The following RALYL variants were observed in gnomAD, a reference collection of about 807,000 sequenced individuals.
The protein encoded by RALYL is RNA-binding Raly-like protein.
A neutral mutation model predicts 35.1 loss-of-function variants in RALYL; 29 were observed. That is an observed-to-expected ratio of 0.83 (90% CI 0.61 to 1.13). The LOEUF (loss-of-function observed/expected upper bound fraction) is 1.13, where lower values mean the gene tolerates loss of function less well. Ranked by LOEUF, RALYL falls within the 50% of genes most tolerant of loss-of-function variation. The probability of loss-of-function intolerance (pLI) is 0.00; values close to 1 mark genes in which losing one functional copy is unlikely to be tolerated. For missense variants in RALYL, 359 were observed against 360.4 expected (o/e 1.00, Z 0.03); for synonymous variants, 120 against 127.6 (o/e 0.94, Z 0.40).
chr8:84,913,504 TTC>T (rs1321166533), intron 8 of RALYL, among the ~76,000 whole-genome samples: 1 of 152,042 alleles, frequency 6.6e-6, no homozygotes, highest in African/African-American at 2.4e-5. Flanking sequence ...TTTTTCTAAA[TTC>T]TATATTCTCA....
At chr8:84,841,377 T>C (rs1294376969) in intron 4 of RALYL, among the ~76,000 whole-genome samples, 5 of 152,082 alleles carry the variant, frequency 3.3e-5, no homozygotes, top group African/African-American at 4.8e-5. Context: ...AAGAAGGCCA[T>C]TACATAATGG....
intron 5 of RALYL, among the ~76,000 whole-genome samples, chr8:84,853,647 C>T (rs964713780): frequency 1.9e-4 from 29 of 152,134 alleles, no homozygotes; most frequent in African/African-American, 6.8e-4. Flanking sequence ...GTTTATTTTC[C>T]ATTTTTGGCA....
intron 1 of RALYL, among the ~76,000 whole-genome samples, chr8:84,364,650 T>C (rs185389242): frequency 6.6e-6 from 1 of 152,150 alleles, no homozygotes; most frequent in Non-Finnish European, 1.5e-5. Flanking sequence ...TGTGTAAAAG[T>C]TGTGTATATT....
intron 1 of RALYL, among the ~76,000 whole-genome samples, chr8:84,474,889 C>T (rs556367998): frequency 9.6e-4 from 144 of 150,330 alleles, no homozygotes; most frequent in Non-Finnish European, 1.6e-3. Context: ...CAGCCCCACC[C>T]CACCCTTTTT....
intron 1 of RALYL, among the ~76,000 whole-genome samples, chr8:84,324,403 C>A (rs371858553): frequency 1.3e-5 from 2 of 151,718 alleles, no homozygotes; most frequent in African/African-American, 4.8e-5. Context: ...TACTAGTGAC[C>A]TTTTTAAATC....
At chr8:84,675,862 G>T (rs1313162286) in intron 2 of RALYL, among the ~76,000 whole-genome samples, 1 of 152,048 alleles carries the variant, frequency 6.6e-6, no homozygotes, top group Non-Finnish European at 1.5e-5. Flanking sequence ...TAACAAAATT[G>T]CACGTGTACT....
chr8:84,810,263 C>T (rs1038891925), intron 4 of RALYL, among the ~76,000 whole-genome samples: 17 of 151,992 alleles, frequency 1.1e-4, no homozygotes, highest in Non-Finnish European at 2.2e-4. Flanking sequence ...TCCAGAGCAG[C>T]CTATTTAATT....
intron 3 of RALYL, among the ~76,000 whole-genome samples, chr8:84,782,415 T>C (rs1215638061): frequency 2.0e-5 from 3 of 152,090 alleles, no homozygotes; most frequent in African/African-American, 7.2e-5. Flanking sequence ...TAGGGAGAAG[T>C]GGAAAAGGAA....
chr8:84,887,833 C>T, intron 8 of RALYL, 57 bp downstream of exon 8: 3 of 1,407,722 alleles, frequency 2.1e-6, no homozygotes, highest in Non-Finnish European at 2.9e-6. Flanking sequence ...AGCATGTTAG[C>T]AACTCATTCA....
intron 2 of RALYL, among the ~76,000 whole-genome samples, chr8:84,675,446 C>T (rs974901645): frequency 9.2e-5 from 14 of 151,996 alleles, no homozygotes; most frequent in African/African-American, 3.4e-4. Context: ...ATGGAATAGA[C>T]CTAATTCCCC....
At chr8:84,249,388 T>G (rs1446932170) in intron 1 of RALYL, among the ~76,000 whole-genome samples, 1 of 152,088 alleles carries the variant, frequency 6.6e-6, no homozygotes, top group African/African-American at 2.4e-5. Flanking sequence ...CCTATCTGAG[T>G]TCTACATCAT....
chr8:84,683,913 C>T (rs117117295), intron 2 of RALYL, among the ~76,000 whole-genome samples: 5 of 152,168 alleles, frequency 3.3e-5, no homozygotes, highest in Admixed American at 6.6e-5. Context: ...CTCGAACTCC[C>T]GATCAGGAAC....
chr8:84,650,776 T>A (rs1472694966), intron 2 of RALYL, among the ~76,000 whole-genome samples: 1 of 151,844 alleles, frequency 6.6e-6, no homozygotes, highest in Non-Finnish European at 1.5e-5. Context: ...TGCACACGTA[T>A]GTTTATTGCA....
chr8:84,572,976 A>G (rs1052484850), intron 2 of RALYL, among the ~76,000 whole-genome samples: 3 of 151,486 alleles, frequency 2.0e-5, no homozygotes, highest in Admixed American at 6.6e-5. Flanking sequence ...TAAAATTTGC[A>G]ACTTTATATA....
At chr8:84,759,699 T>C (rs1812236121) in intron 2 of RALYL, among the ~76,000 whole-genome samples, 1 of 152,200 alleles carries the variant, frequency 6.6e-6, no homozygotes, top group Admixed American at 6.5e-5. Flanking sequence ...TTCTTACTTA[T>C]AAAATGAGGG....
intron 1 of RALYL, among the ~76,000 whole-genome samples, chr8:84,385,677 G>A (rs1478472811): frequency 1.3e-5 from 2 of 151,810 alleles, no homozygotes; most frequent in Non-Finnish European, 2.9e-5. Context: ...GAACTTGATT[G>A]AACAGTTCAT....
At chr8:84,711,894 C>A (rs1842244151) in intron 2 of RALYL, among the ~76,000 whole-genome samples, 2 of 152,116 alleles carry the variant, frequency 1.3e-5, no homozygotes, top group South Asian at 4.1e-4. Context: ...ACTGTGAAGA[C>A]AGAAGAAATA....
intron 1 of RALYL, among the ~76,000 whole-genome samples, chr8:84,464,314 C>G (rs988683980): frequency 1.3e-5 from 2 of 151,878 alleles, no homozygotes; most frequent in African/African-American, 4.8e-5. Context: ...ACAACAGTCC[C>G]CAGAGTGTGA....
intron 8 of RALYL, among the ~76,000 whole-genome samples, chr8:84,893,359 A>G (rs938023688): frequency 2.0e-5 from 3 of 152,250 alleles, no homozygotes; most frequent in African/African-American, 7.2e-5. Context: ...CTTCACAAAT[A>G]CAACATTTCA....
Sources: allele counts gnomAD v4.1 joint callset (sites outside exome capture counted in the v4.1 genomes callset), GRCh38; gene constraint gnomAD v4.1.1; transcripts MANE v1.5; gene names NCBI Gene and HGNC (gene_info 2026-07-23, HGNC 2026-07-21).